CSMD1: variants seen among roughly 807,000 people sequenced by gnomAD.
The protein encoded by CSMD1 is CUB and Sushi multiple domains 1.
CSMD1 carries 213 observed loss-of-function variants against 417.5 expected under a neutral mutation model. That is an observed-to-expected ratio of 0.51 (90% CI 0.46 to 0.57). CSMD1 has a LOEUF of 0.57. Among genes scored for constraint, CSMD1 ranks in the 20% least tolerant of loss-of-function variants. The pLI is 0.00. For missense variants in CSMD1, 6,923 were observed against 4,529.7 expected, an observed-to-expected ratio of 1.53 and a Z score of -15.17; for synonymous variants, 2,862 against 1,736.8, an observed-to-expected ratio of 1.65 and a Z score of -16.11.
chr8:3,204,781 C>T (rs78288780), intron 31 of CSMD1, among the ~76,000 whole-genome samples: 7,092 of 152,252 alleles, frequency 0.047, 187 homozygotes, highest in South Asian at 0.088. Context: ...GTAGCGTTTT[C>T]AATTTTCCTA....
At chr8:3,819,424 G>A (rs948089413) in intron 5 of CSMD1, among the ~76,000 whole-genome samples, 1 of 151,916 alleles carries the variant, frequency 6.6e-6, no homozygotes, top group Non-Finnish European at 1.5e-5. Context: ...TATCAACAAG[G>A]TAAAGAAAGT....
intron 26 of CSMD1, chr8:3,278,856 G>A (rs979269230): frequency 6.6e-6 from 1 of 152,174 alleles, no homozygotes; most frequent in African/African-American, 2.4e-5. Context: ...GCCAGTGAGG[G>A]GACGAATGTG....
chr8:3,830,928 A>G (rs1052860847), intron 5 of CSMD1, among the ~76,000 whole-genome samples: 1 of 152,002 alleles, frequency 6.6e-6, no homozygotes, highest in African/African-American at 2.4e-5. Flanking sequence ...ACCTAAAATT[A>G]TTTCTTAAGT....
chr8:3,207,137 T>C (rs1390460872), intron 30 of CSMD1, among the ~76,000 whole-genome samples: 1 of 135,824 alleles, frequency 7.4e-6, no homozygotes, highest in Admixed American at 8.2e-5. Flanking sequence ...ATTTTCTTTT[T>C]TTTTTTTCAT....
At position 4,420,308 on chromosome 8, in the gene CSMD1, T is replaced by C. The variant is rs180928087; in HGVS notation, c.303-243A>G. On this transcript the variant is annotated intron_variant, in intron 2 of 69. Transcript: ENST00000635120. ...ATTTCTTCTTGAAAATACTTACTTATATAATATGCCATTGTCTTAAATGCT... is the reference window on the plus strand; with the variant it reads ...ATTTCTTCTTGAAAATACTTACTTACATAATATGCCATTGTCTTAAATGCT... Among the ~76,000 whole-genome samples the C allele has an allele frequency of 1.2e-4, 18 of 152,282 alleles. 1 individual carries two copies. In the East Asian group the frequency reaches 1.5e-3, roughly 13 times the overall value.
intron 68 of CSMD1, among the ~76,000 whole-genome samples, chr8:2,945,055 G>GT (rs570198315): frequency 8.0e-4 from 122 of 152,130 alleles, no homozygotes; most frequent in African/African-American, 2.7e-3. Flanking sequence ...TCAGTTACTT[G>GT]CCTTGTTTTA....
intron 2 of CSMD1, among the ~76,000 whole-genome samples, chr8:4,443,648 C>T (rs772249194): frequency 5.3e-5 from 8 of 152,284 alleles, no homozygotes; most frequent in Non-Finnish European, 1.0e-4. Context: ...ATGCCGTTGA[C>T]GTGCAGTTAA....
At chr8:4,941,340 T>C (rs1807985868) in intron 1 of CSMD1, among the ~76,000 whole-genome samples, 1 of 152,118 alleles carries the variant, frequency 6.6e-6, no homozygotes, top group Admixed American at 6.5e-5. Context: ...ATAATAAATG[T>C]TTTGAGTACT....
chr8:2,947,384 T>C (rs1198590079), intron 68 of CSMD1, among the ~76,000 whole-genome samples: 2 of 152,214 alleles, frequency 1.3e-5, no homozygotes, highest in African/African-American at 4.8e-5. Flanking sequence ...CTTAAATGAA[T>C]GGTTGCTGTT....
intron 1 of CSMD1, among the ~76,000 whole-genome samples, chr8:4,804,443 C>T (rs928376949): frequency 6.6e-6 from 1 of 151,098 alleles, no homozygotes; most frequent in Non-Finnish European, 1.5e-5. Flanking sequence ...CAGTCATATA[C>T]AGACTTCGGT....
intron 6 of CSMD1, among the ~76,000 whole-genome samples, chr8:3,713,442 C>G (rs1386578987): frequency 6.6e-6 from 1 of 152,120 alleles, no homozygotes; most frequent in Non-Finnish European, 1.5e-5. Flanking sequence ...CTGGAGCGTC[C>G]TGCCCTCCTC....
chr8:4,161,754 G>A (rs1031133001), intron 3 of CSMD1, among the ~76,000 whole-genome samples: 1 of 152,132 alleles, frequency 6.6e-6, no homozygotes, highest in Non-Finnish European at 1.5e-5. Flanking sequence ...TCTGGAACCA[G>A]TTTCAAGGAA....
At chr8:3,983,966 G>C (rs1456177491) in intron 5 of CSMD1, among the ~76,000 whole-genome samples, 2 of 152,180 alleles carry the variant, frequency 1.3e-5, no homozygotes, top group Non-Finnish European at 2.9e-5. Flanking sequence ...AGATCTGATG[G>C]GGCTGTCAAT....
In CSMD1 at chr8:3,151,403, C is replaced by T. The variant is rs756922361; in HGVS notation, c.6025G>A (p.Gly2009Ser). 23 of 1,605,054 alleles carry T rather than the reference C, an allele frequency of 1.4e-5. No individual in the cohort carries two copies. Among genetic ancestry groups the T allele is most frequent in the East Asian group, 2.2e-5 (1 of 44,836 alleles). ...TGGTAACATTTTCACTTACCATAGC[C>T]GATGGGTAATGAGATCCTCCAGGTG... ...DCTWRISLPIGYGAHIQFLNF... is the reference protein window; with the variant it reads ...DCTWRISLPISYGAHIQFLNF... The change falls in exon 40 of 70, where the codon GGC becomes AGC. Residue 2009 changes from glycine to serine, a missense_variant. Coordinates refer to ENST00000635120, the MANE Select transcript of CSMD1 (RefSeq NM_033225.6).
At chr8:3,972,276 G>C (rs769864293) in intron 5 of CSMD1, among the ~76,000 whole-genome samples, 7 of 152,018 alleles carry the variant, frequency 4.6e-5, no homozygotes, top group Non-Finnish European at 8.8e-5. Flanking sequence ...ATTTTTATAA[G>C]TACTAGATAC....
At chr8:4,123,618 T>G (rs1802605184) in intron 3 of CSMD1, among the ~76,000 whole-genome samples, 1 of 152,238 alleles carries the variant, frequency 6.6e-6, no homozygotes, top group Admixed American at 6.5e-5. Flanking sequence ...AAAAAGTCAT[T>G]TTTCCTTTGA....
chr8:4,935,427 T>C (rs1450055056), intron 1 of CSMD1, among the ~76,000 whole-genome samples: 1 of 152,252 alleles, frequency 6.6e-6, no homozygotes, highest in African/African-American at 2.4e-5. Context: ...TACCGGTTCA[T>C]TTCTAATGCT....
At chr8:4,293,980 C>A (rs1427026848) in intron 3 of CSMD1, among the ~76,000 whole-genome samples, 1 of 151,846 alleles carries the variant, frequency 6.6e-6, no homozygotes, top group African/African-American at 2.4e-5. Context: ...GCTTTTTGAA[C>A]TTACCAAATA....
At chr8:4,174,332 C>T (rs1019452105) in intron 3 of CSMD1, among the ~76,000 whole-genome samples, 6 of 152,076 alleles carry the variant, frequency 3.9e-5, no homozygotes, top group African/African-American at 1.2e-4. Context: ...GTATTATTCC[C>T]GTTTTACAGA....
Sources: allele counts gnomAD v4.1 joint callset (sites outside exome capture counted in the v4.1 genomes callset), GRCh38; gene constraint gnomAD v4.1.1; transcripts MANE v1.5; gene names NCBI Gene and HGNC (gene_info 2026-07-23, HGNC 2026-07-21).